The following IGF1R variants were observed in gnomAD, a reference collection of about 807,000 sequenced individuals.
IGF1R encodes the protein insulin-like growth factor 1 receptor.
IGF1R carries 44 observed loss-of-function variants against 144.6 expected under a neutral mutation model. That is an observed-to-expected ratio of 0.30 (90% confidence interval 0.24 to 0.39). The LOEUF is 0.39. IGF1R is among the 10% of genes least tolerant of loss of function. The pLI, the probability that IGF1R is intolerant of heterozygous loss-of-function variation, is 1.00. For missense variants in IGF1R, 1,355 were observed against 1,833.7 expected (o/e 0.74, Z 4.77); for synonymous variants, 795 against 722.8 (o/e 1.10, Z -1.60).
chr15:98,882,915 C>G (rs1596392453), intron 2 of IGF1R, among the ~76,000 whole-genome samples: 1 of 152,214 alleles, frequency 6.6e-6, no homozygotes, highest in African/African-American at 2.4e-5. Context: ...GACTAACCAG[C>G]CCTGCTGTGC....
At chr15:98,708,835 A>G (rs973928121) in intron 2 of IGF1R, among the ~76,000 whole-genome samples, 1 of 152,170 alleles carries the variant, frequency 6.6e-6, no homozygotes, top group African/African-American at 2.4e-5. Flanking sequence ...TGAAAATCTT[A>G]AGATTTCACG....
At chr15:98,789,868 G>C (rs72752816) in intron 2 of IGF1R, among the ~76,000 whole-genome samples, 4 of 152,030 alleles carry the variant, frequency 2.6e-5, no homozygotes, top group Non-Finnish European at 5.9e-5. Context: ...TCAGAGAGGC[G>C]GGTTGCTGGA....
At chr15:98,728,110 C>G (rs967895600) in intron 2 of IGF1R, among the ~76,000 whole-genome samples, 2 of 149,278 alleles carry the variant, frequency 1.3e-5, no homozygotes, top group Non-Finnish European at 3.0e-5. Flanking sequence ...AGCGGGTTGC[C>G]CTGAAGATGC....
At position 98,948,682 on chromosome 15, in the gene IGF1R, C is replaced by T; in HGVS notation, c.3696C>T (p.Asp1232=). ...LRFVMEGGLL[D]KPDNCPDMLF... is the part of the protein sequence containing the mutation. ...TCGTCATGGAGGGCGGCCTTCTGGACAAGCCAGACAACTGTCCTGACATGC... is the reference window on the plus strand; with the variant it reads ...TCGTCATGGAGGGCGGCCTTCTGGATAAGCCAGACAACTGTCCTGACATGC... The change falls in exon 20 of 21, where the codon GAC becomes GAT. Residue 1232 remains aspartate (D), a synonymous_variant. Transcript: ENST00000650285. 1 of 1,614,170 alleles carries T rather than the reference C, an allele frequency of 6.2e-7. No homozygotes were observed. The highest frequency in any genetic ancestry group is 8.5e-7 in the Non-Finnish European group (1 of 1,180,024).
At chr15:98,843,165 T>G (rs1266922831) in intron 2 of IGF1R, among the ~76,000 whole-genome samples, 2 of 152,252 alleles carry the variant, frequency 1.3e-5, no homozygotes, top group Non-Finnish European at 2.9e-5. Flanking sequence ...TCCTTCAACC[T>G]GCTGTGCTAC....
Position 98,963,723 on chromosome 15 carries a change from C to T in IGF1R, c.*6281C>T, listed in dbSNP as rs2017317056. 2 of 233,078 alleles carry T rather than the reference C, an allele frequency of 8.6e-6. No homozygotes were observed. Among genetic ancestry groups the T allele is most frequent in the Non-Finnish European group, 8.5e-6 (1 of 117,992 alleles). The allele number at this position is 233,078 out of a possible 1,614,324, so 14.4% of individuals were successfully genotyped here. On this transcript the variant is annotated 3_prime_UTR_variant, in exon 21 of 21. Transcript: ENST00000650285. Reference sequence around the variant, plus strand: ...TGCCTCGTATCATGACTGATTACTGCTTTGTTAGAACACAGAAGAGACCCT... The same window carrying T: ...TGCCTCGTATCATGACTGATTACTGTTTTGTTAGAACACAGAAGAGACCCT...
chr15:98,929,785 C>T (rs1372733884), intron 14 of IGF1R, 125 bp downstream of exon 14: 1 of 744,238 alleles, frequency 1.3e-6, no homozygotes, highest in Non-Finnish European at 2.4e-6. Flanking sequence ...CCTGATTTTC[C>T]CATCAAATGT....
intron 2 of IGF1R, among the ~76,000 whole-genome samples, chr15:98,808,227 A>T (rs1596320144): frequency 6.6e-6 from 1 of 152,320 alleles, no homozygotes; most frequent in African/African-American, 2.4e-5. Flanking sequence ...ATAATAAGAT[A>T]CTGGGAGATG....
rs1053509029 is a variant in IGF1R at position 98,959,830 on chromosome 15, C to G, written c.*2388C>G. On this transcript the variant is annotated 3_prime_UTR_variant, in exon 21 of 21. Transcript: ENST00000650285. Reference sequence around the variant, plus strand: ...AGTTTGTCCCACTGCTTTCTCTAGTCTCTATCCCATAGCGTGTTCCCTTTA... The same window carrying G: ...AGTTTGTCCCACTGCTTTCTCTAGTGTCTATCCCATAGCGTGTTCCCTTTA... The G allele has an allele frequency of 1.7e-5, 4 of 229,178 alleles. No individual in the cohort carries two copies. Among genetic ancestry groups the G allele is most frequent in the Non-Finnish European group, 3.4e-5 (4 of 117,424 alleles). 14.2% of individuals were successfully genotyped at this position (229,178 alleles called of 1,614,324 possible). A position where few individuals can be genotyped will look rare whatever the true frequency, so the allele number is the denominator to read the frequency against.
intron 2 of IGF1R, among the ~76,000 whole-genome samples, chr15:98,885,756 T>C (rs977491944): frequency 6.6e-6 from 1 of 152,176 alleles, no homozygotes; most frequent in Non-Finnish European, 1.5e-5. Context: ...TTATGAAATA[T>C]TGTATGGCCA....
At chr15:98,708,190 A>G in intron 2 of IGF1R, 83 bp downstream of exon 2, 1 of 1,216,974 alleles carries the variant, frequency 8.2e-7, no homozygotes, top group Admixed American at 1.7e-5. Flanking sequence ...TTCTGAGTGC[A>G]CGAGTTCCGC....
chr15:98,909,251 CTTT>C (rs372127452), intron 6 of IGF1R, among the ~76,000 whole-genome samples: 1,897 of 38,814 alleles, frequency 0.049, 49 homozygotes, highest in African/African-American at 0.099. Flanking sequence ...TCTTTTTTTT[CTTT>C]TTTTTTCTTT....
intron 2 of IGF1R, among the ~76,000 whole-genome samples, chr15:98,838,165 C>T (rs1169790071): frequency 1.3e-5 from 2 of 152,134 alleles, no homozygotes; most frequent in South Asian, 2.1e-4. Flanking sequence ...TATTTTCTTC[C>T]ATCAGTGGGA....
Position 98,964,000 on chromosome 15 carries a change from G to T in IGF1R, c.*6558G>T, listed in dbSNP as rs1596503923. On this transcript the variant is annotated 3_prime_UTR_variant, in exon 21 of 21. Coordinates refer to ENST00000650285, the MANE Select transcript of IGF1R (RefSeq NM_000875.5). ...TTTTCAACTTTTCATTTGGATGTTT[G>T]GCGTTGCACACACACATCCACCGGT... 1.3e-5 allele frequency: 3 copies of T among 233,074 alleles called. No individual in the cohort carries two copies. In the East Asian group the frequency reaches 1.8e-4, roughly 14 times the overall value. 14.4% of individuals were successfully genotyped at this position (233,074 alleles called of 1,614,324 possible).
intron 1 of IGF1R, among the ~76,000 whole-genome samples, chr15:98,683,972 G>T (rs2053257340): frequency 6.6e-6 from 1 of 152,068 alleles, no homozygotes; most frequent in Admixed American, 6.6e-5. Context: ...CCTCCTGGAG[G>T]CTTAGTAGGG....
chr15:98,767,581 T>G (rs910595090), intron 2 of IGF1R, among the ~76,000 whole-genome samples: 3 of 152,266 alleles, frequency 2.0e-5, no homozygotes, highest in African/African-American at 7.2e-5. Flanking sequence ...AAAATATTTC[T>G]TATTGTTGAT....
At chr15:98,794,571 G>C (rs918866694) in intron 2 of IGF1R, among the ~76,000 whole-genome samples, 9 of 152,166 alleles carry the variant, frequency 5.9e-5, no homozygotes, top group Non-Finnish European at 1.3e-4. Context: ...TAAGCAAACT[G>C]TCTCCATTAG....
chr15:98,832,856 G>T (rs1354134255), intron 2 of IGF1R, among the ~76,000 whole-genome samples: 7 of 152,186 alleles, frequency 4.6e-5, no homozygotes, highest in African/African-American at 1.7e-4. Flanking sequence ...TTACAGGTTT[G>T]TGAAACCAAT....
chr15:98,842,900 C>T (rs779525678), intron 2 of IGF1R, among the ~76,000 whole-genome samples: 19 of 151,996 alleles, frequency 1.3e-4, no homozygotes, highest in Admixed American at 3.3e-4. Flanking sequence ...TGGGGGTGAG[C>T]GTTTGTAGAA....
Sources: gnomAD v4.1 joint callset for allele counts (sites outside exome capture counted in the v4.1 genomes callset) on GRCh38, gnomAD v4.1.1 for gene constraint, MANE v1.5 for transcripts, NCBI Gene and HGNC (gene_info 2026-07-23, HGNC 2026-07-21) for gene names.